MYO18B: variants seen among roughly 807,000 people sequenced by gnomAD.
The protein encoded by MYO18B is myosin XVIIIB.
A neutral mutation model predicts 273.0 loss-of-function variants in MYO18B; 204 were observed. The observed-to-expected ratio is 0.75, with a 90% CI of 0.67 to 0.84. The LOEUF (loss-of-function observed/expected upper bound fraction) is 0.84, where lower values mean the gene tolerates loss of function less well. MYO18B is among the 40% of genes least tolerant of loss of function. The probability of loss-of-function intolerance (pLI) is 0.00; values close to 1 mark genes in which losing one functional copy is unlikely to be tolerated. For synonymous variants in MYO18B, 1,330 were observed against 1,305.7 expected, an observed-to-expected ratio of 1.02 and a Z score of -0.40; for missense variants, 3,212 against 3,287.6, an observed-to-expected ratio of 0.98 and a Z score of 0.56.
In MYO18B at chr22:25,868,294, T is replaced by G. The variant is rs1601406774; in HGVS notation, c.3886-26T>G. On this transcript the variant is annotated intron_variant, in intron 21 of 43. Transcript: ENST00000335473. ...GGATCCTCCTACCTTCTATGCTGTCTAACTTCTCTCTAATTTTTTCCCCAG... is the reference window on the plus strand; with the variant it reads ...GGATCCTCCTACCTTCTATGCTGTCGAACTTCTCTCTAATTTTTTCCCCAG... 6 of 1,581,058 alleles carry G rather than the reference T, an allele frequency of 3.8e-6. No homozygotes were observed. The East Asian group carries it at 1.4e-4, about 36-fold the overall frequency.
intron 1 of MYO18B, among the ~76,000 whole-genome samples, chr22:25,748,335 C>A (rs891800578): frequency 6.6e-6 from 1 of 152,106 alleles, no homozygotes; most frequent in Non-Finnish European, 1.5e-5. Flanking sequence ...TGTAGGACCT[C>A]GAGAAAGTCA....
At chr22:25,857,316 G>T (rs978095794) in intron 21 of MYO18B, among the ~76,000 whole-genome samples, 1 of 152,180 alleles carries the variant, frequency 6.6e-6, no homozygotes. Context: ...CCTCCTCCCC[G>T]CAAAGTGTCT....
chr22:25,928,441 A>T (rs187439445), intron 34 of MYO18B, among the ~76,000 whole-genome samples: 2 of 151,274 alleles, frequency 1.3e-5, no homozygotes, highest in East Asian at 3.9e-4. Flanking sequence ...TCCCCAGCTA[A>T]ATCACAGGAG....
intron 29 of MYO18B, 75 bp downstream of exon 29, chr22:25,898,536 A>G: frequency 6.5e-7 from 1 of 1,527,406 alleles, no homozygotes; most frequent in Non-Finnish European, 8.9e-7. Context: ...TGGGGTATCC[A>G]GGTTCTCCTA....
intron 21 of MYO18B, among the ~76,000 whole-genome samples, chr22:25,855,215 C>G (rs2090531801): frequency 6.6e-6 from 1 of 151,960 alleles, no homozygotes; most frequent in Non-Finnish European, 1.5e-5. Flanking sequence ...GTTTTCTGTT[C>G]CTGCATTAGT....
chr22:25,868,553 G>T (rs1354729520), intron 22 of MYO18B, among the ~76,000 whole-genome samples, 168 bp downstream of exon 22: 3 of 152,168 alleles, frequency 2.0e-5, no homozygotes, highest in Admixed American at 2.0e-4. Flanking sequence ...AGGTCCTGGA[G>T]AGACAATGTC....
At chr22:25,900,644 G>A (rs1195340623) in intron 29 of MYO18B, 1 of 152,324 alleles carries the variant, frequency 6.6e-6, no homozygotes, top group African/African-American at 2.4e-5. Context: ...TGGACCCAAG[G>A]CCCTTTCTTA....
chr22:25,829,731 G>A (rs2089638173), intron 15 of MYO18B, among the ~76,000 whole-genome samples: 1 of 151,944 alleles, frequency 6.6e-6, no homozygotes, highest in African/African-American at 2.4e-5. Context: ...CCAGCTACTC[G>A]AGAGGCTGAG....
At chr22:26,014,344 A>T (rs189660348) in intron 42 of MYO18B, among the ~76,000 whole-genome samples, 1 of 152,260 alleles carries the variant, frequency 6.6e-6, no homozygotes. Flanking sequence ...TGTCTATTCT[A>T]TTTCACTTTT....
chr22:25,896,538 T>G (rs1249075421), intron 28 of MYO18B: 1 of 152,222 alleles, frequency 6.6e-6, no homozygotes, highest in Non-Finnish European at 1.5e-5. Context: ...TTGTGTCCTC[T>G]GCATTTCTGA....
intron 11 of MYO18B, among the ~76,000 whole-genome samples, chr22:25,789,699 A>C (rs2087570714): frequency 6.6e-6 from 1 of 152,140 alleles, no homozygotes; most frequent in Admixed American, 6.6e-5. Context: ...ACACAAGGGC[A>C]AAACCAAAAA....
intron 34 of MYO18B, among the ~76,000 whole-genome samples, chr22:25,940,478 T>A (rs1320010388): frequency 2.0e-5 from 3 of 152,160 alleles, no homozygotes; most frequent in African/African-American, 7.2e-5. Context: ...ATTAGTAGTG[T>A]GAGAACAGAC....
intron 37 of MYO18B, 32 bp downstream of exon 37, chr22:25,950,482 T>C (rs2092778270): frequency 6.5e-7 from 1 of 1,543,170 alleles, no homozygotes; most frequent in Admixed American, 1.9e-5. Context: ...ATAGTTGTAT[T>C]AGTCAGGGTT....
At chr22:26,019,842 T>A (rs1218324162) in intron 42 of MYO18B, among the ~76,000 whole-genome samples, 2 of 152,228 alleles carry the variant, frequency 1.3e-5, no homozygotes, top group African/African-American at 2.4e-5. Flanking sequence ...CACTCAGTCC[T>A]GGGAATTATG....
intron 27 of MYO18B, among the ~76,000 whole-genome samples, chr22:25,893,325 C>T (rs2091712691): frequency 1.3e-5 from 2 of 152,110 alleles, no homozygotes; most frequent in South Asian, 2.1e-4. Context: ...TTTAATTGGG[C>T]CCTGCTCTCA....
At chr22:25,759,965 A>G (rs1027132841) in intron 1 of MYO18B, among the ~76,000 whole-genome samples, 1 of 152,202 alleles carries the variant, frequency 6.6e-6, no homozygotes, top group Non-Finnish European at 1.5e-5. Context: ...AAAGTTATCA[A>G]AATTTTCTAA....
chr22:25,755,898 T>G (rs1448650925), intron 1 of MYO18B, among the ~76,000 whole-genome samples: 1 of 149,298 alleles, frequency 6.7e-6, no homozygotes, highest in East Asian at 1.9e-4. Flanking sequence ...TGAACTTTTT[T>G]CTTTCTTTCT....
intron 34 of MYO18B, among the ~76,000 whole-genome samples, chr22:25,943,521 G>A (rs1178036835): frequency 1.3e-5 from 2 of 151,990 alleles, no homozygotes; most frequent in Non-Finnish European, 2.9e-5. Context: ...GATGTGACCC[G>A]CGTCCACATC....
intron 14 of MYO18B, 150 bp downstream of exon 14, chr22:25,826,649 A>G (rs2145908069): frequency 1.6e-6 from 1 of 625,732 alleles, no homozygotes; most frequent in Non-Finnish European, 2.8e-6. Context: ...TACCTTGGCC[A>G]CCCACTGGCT....
Sources: gnomAD v4.1 joint callset for allele counts (sites outside exome capture counted in the v4.1 genomes callset) on GRCh38, gnomAD v4.1.1 for gene constraint, MANE v1.5 for transcripts, NCBI Gene and HGNC (gene_info 2026-07-23, HGNC 2026-07-21) for gene names.